Variants in CHD4 observed in about 807,000 individuals in gnomAD.
The protein encoded by CHD4 is chromodomain helicase DNA binding protein 4.
CHD4 carries 35 observed loss-of-function variants against 235.5 expected under a neutral mutation model. The observed-to-expected ratio is 0.15, with a 90% CI of 0.11 to 0.20. The LOEUF is 0.20. Ranked by LOEUF, CHD4 falls within the 10% of genes least tolerant of loss-of-function variation. CHD4 has a pLI of 1.00. For missense variants in CHD4, 1,329 were observed against 2,432.3 expected, an observed-to-expected ratio of 0.55 and a Z score of 9.54; for synonymous variants, 900 against 850.2, an observed-to-expected ratio of 1.06 and a Z score of -1.02.
intron 10 of CHD4, 142 bp from the exon 11 acceptor site, chr12:6,598,567 T>C (rs969943582): frequency 4.4e-6 from 3 of 688,522 alleles, no homozygotes; most frequent in East Asian, 2.7e-5. Context: ...TCCCAGCACC[T>C]TGGGAGGCCG....
In CHD4 at chr12:6,581,824, T is replaced by C. The variant is rs764871171; in HGVS notation, c.4516-10A>G. 6.6e-7 allele frequency: 1 copy of C among 1,510,938 alleles called. No individual in the cohort carries two copies. Among genetic ancestry groups the C allele is most frequent in the Non-Finnish European group, 8.9e-7 (1 of 1,129,862 alleles). The allele number at this position is 1,510,938 out of a possible 1,614,324, so 93.6% of individuals were successfully genotyped here. On this transcript the variant is annotated splice_polypyrimidine_tract_variant and intron_variant, in intron 30 of 39. Coordinates refer to ENST00000544040, the MANE Select transcript of CHD4 (RefSeq NM_001273.5). ...GTTCAAACTCCTGAACCTGTAGCAA[T>C]GGGACAAGAAGTTGAAGACCCAATT... is the stretch of plus-strand genomic sequence containing the variant.
intron 25 of CHD4, chr12:6,584,057 T>C (rs1019837137): frequency 1.3e-5 from 2 of 152,248 alleles, no homozygotes; most frequent in South Asian, 4.1e-4. Flanking sequence ...TATCCACGGG[T>C]TCCGCACCTG....
chr12:6,600,695 T>A (rs773894821), intron 7 of CHD4, 26 bp from the exon 8 acceptor site: 1 of 1,612,830 alleles, frequency 6.2e-7, no homozygotes, highest in Non-Finnish European at 8.5e-7. Flanking sequence ...AGAATAAGGT[T>A]AGACGTTCAA....
chr12:6,592,011 C>T lies in CHD4; in HGVS notation c.2995G>A (p.Ala999Thr). ...GACACCTGGTTGCCACCACCTCGGG[C>T]ATTGAGTGCTTCAAAATTTCGAGTG... ...ILTRNFEALN[A>T]RGGGNQVSLL... The change falls in exon 20 of 40, where the codon GCC (alanine) becomes ACC (threonine). Residue 999 changes from alanine (A) to threonine (T), a missense_variant. Coordinates refer to ENST00000544040, the MANE Select transcript of CHD4 (RefSeq NM_001273.5). The T allele has an allele frequency of 6.2e-7, 1 of 1,614,208 alleles. No individual in the cohort carries two copies.
intron 37 of CHD4, among the ~76,000 whole-genome samples, chr12:6,574,494 G>T (rs1369161858): frequency 1.2e-4 from 19 of 152,288 alleles, no homozygotes; most frequent in Admixed American, 1.1e-3. Flanking sequence ...TTTATGAAAA[G>T]ATTTTAATTA....
At chr12:6,606,218 C>A in intron 2 of CHD4, 56 bp downstream of exon 2, 2 of 1,221,682 alleles carry the variant, frequency 1.6e-6, no homozygotes, top group South Asian at 2.6e-5. Context: ...AGAGGAGTCA[C>A]TCGGGAGAGC....
intron 8 of CHD4, 62 bp downstream of exon 8, chr12:6,600,472 G>A (rs1565617473): frequency 6.2e-7 from 1 of 1,600,014 alleles, no homozygotes; most frequent in Non-Finnish European, 8.6e-7. Flanking sequence ...ATCTCCTTAG[G>A]GAGATTCTTC....
Position 6,582,790 on chromosome 12 carries a change from T to C in CHD4, c.4237-42A>G, listed in dbSNP as rs1315144420. The C allele has an allele frequency of 3.7e-6, 6 of 1,614,068 alleles. No individual in the cohort carries two copies. In the South Asian group the frequency reaches 4.4e-5, roughly 12 times the overall value. On this transcript the variant is annotated intron_variant, in intron 28 of 39. Coordinates refer to ENST00000544040, the MANE Select transcript of CHD4 (RefSeq NM_001273.5). ...CCCAGGTGAGAGGCAGCAGGTCGCA[T>C]TCCACCAAAGATGCAATATCTGACA...
chr12:6,588,514 A>C, intron 22 of CHD4, 92 bp from the exon 23 acceptor site: 4 of 1,429,228 alleles, frequency 2.8e-6, no homozygotes, highest in African/African-American at 1.4e-5. Context: ...GCAGTGGCTC[A>C]TGCCTGTAAT....
At chr12:6,576,816 A>C (rs947754817) in intron 37 of CHD4, among the ~76,000 whole-genome samples, 12 of 152,198 alleles carry the variant, frequency 7.9e-5, no homozygotes, top group African/African-American at 2.2e-4. Context: ...AGCTCCTTGA[A>C]AACAGATACC....
Position 6,591,446 on chromosome 12 carries a change from A to G in CHD4, c.3340+20T>C, listed in dbSNP as rs1187338736. On this transcript the variant is annotated intron_variant, in intron 22 of 39. Transcript: ENST00000544040. The stretch of plus-strand genomic sequence containing the variant: ...AAGCAAATGAGGATTCCTGAAACTA[A>G]ACAACTCCTTCTCTCTCACCATTGA... 6.3e-7 allele frequency: 1 copy of G among 1,596,064 alleles called. No individual in the cohort carries two copies. Among genetic ancestry groups the G allele is most frequent in the East Asian group, 2.2e-5 (1 of 44,826 alleles).
At chr12:6,602,315 C>A in intron 3 of CHD4, 61 bp downstream of exon 3, 1 of 1,608,900 alleles carries the variant, frequency 6.2e-7, no homozygotes, top group East Asian at 2.2e-5. Context: ...AGCCCTTCAA[C>A]CCTTCTCAGA....
rs1948320979 is a variant in CHD4 at position 6,587,513 on chromosome 12, A to G, written c.3750T>C (p.Asp1250=). 5 of 1,614,132 alleles carry G rather than the reference A, an allele frequency of 3.1e-6. No individual in the cohort carries two copies. Among genetic ancestry groups the G allele is most frequent in the Non-Finnish European group, 4.2e-6 (5 of 1,180,038 alleles). Reference sequence around the variant, plus strand: ...CTAGCAGCCGTTCAATGGCCTTATCATCGTAGTGGATAACACTGCTATCTT... The same window carrying G: ...CTAGCAGCCGTTCAATGGCCTTATCGTCGTAGTGGATAACACTGCTATCTT... The part of the protein sequence containing the change: ...EGEDSSVIHY[D]DKAIERLLDR... The change falls in exon 25 of 40, where the codon GAT becomes GAC. Residue 1250 remains aspartate (D), a synonymous_variant. Transcript: ENST00000544040.
chr12:6,601,099 G>A, intron 6 of CHD4, 46 bp from the exon 7 acceptor site: 2 of 1,526,518 alleles, frequency 1.3e-6, no homozygotes, highest in South Asian at 1.3e-5. Context: ...ACCAAAGATG[G>A]GGAAAATAAA....
intron 22 of CHD4, among the ~76,000 whole-genome samples, chr12:6,589,170 G>A (rs929026938): frequency 3.9e-5 from 6 of 152,030 alleles, no homozygotes; most frequent in African/African-American, 9.7e-5. Context: ...GCTTGAACCC[G>A]GGAGGCAGAA....
At chr12:6,576,084 C>T (rs1948065699) in intron 37 of CHD4, among the ~76,000 whole-genome samples, 1 of 151,662 alleles carries the variant, frequency 6.6e-6, no homozygotes, top group Admixed American at 6.6e-5. Context: ...CTTGGATGGG[C>T]ACAGTGGCTC....
chr12:6,601,245 A>C, intron 6 of CHD4, 44 bp downstream of exon 6: 2 of 1,601,034 alleles, frequency 1.2e-6, no homozygotes, highest in Non-Finnish European at 1.7e-6. Context: ...TGACATCTTA[A>C]GCCCACACTA....
chr12:6,577,194 G>A (rs1368439351), intron 37 of CHD4, among the ~76,000 whole-genome samples: 1 of 152,128 alleles, frequency 6.6e-6, no homozygotes, highest in African/African-American at 2.4e-5. Flanking sequence ...CAAGGCAGGT[G>A]GATCACTTCG....
intron 24 of CHD4, 22 bp downstream of exon 24, chr12:6,587,690 C>A: frequency 6.2e-7 from 1 of 1,611,870 alleles, no homozygotes; most frequent in Non-Finnish European, 8.5e-7. Context: ...CACACCAAAA[C>A]GTAAGTTCCT....
Sources: gnomAD v4.1 joint callset for allele counts (sites outside exome capture counted in the v4.1 genomes callset) on GRCh38, gnomAD v4.1.1 for gene constraint, MANE v1.5 for transcripts, NCBI Gene and HGNC (gene_info 2026-07-23, HGNC 2026-07-21) for gene names.